Variants in BFAR observed in about 807,000 individuals in gnomAD.
BFAR encodes the protein bifunctional apoptosis regulator.
In BFAR, 52 loss-of-function variants were observed where a neutral mutation model predicts 54.4. That is an observed-to-expected ratio of 0.96 (90% CI 0.77 to 1.21). The LOEUF is 1.21. Ranked by LOEUF, BFAR falls within the 50% of genes most tolerant of loss-of-function variation. The pLI is 0.00. For missense variants in BFAR, 571 were observed against 534.0 expected, an observed-to-expected ratio of 1.07 and a Z score of -0.68; for synonymous variants, 215 against 204.3, an observed-to-expected ratio of 1.05 and a Z score of -0.45.
At chr16:14,661,014 G>A (rs1331709672) in intron 5 of BFAR, among the ~76,000 whole-genome samples, 1 of 151,668 alleles carries the variant, frequency 6.6e-6, no homozygotes, top group Non-Finnish European at 1.5e-5. Flanking sequence ...ACAGGCGTGA[G>A]CCACCACGCT....
At chr16:14,651,563 A>T (rs966547920) in intron 4 of BFAR, among the ~76,000 whole-genome samples, 1 of 151,980 alleles carries the variant, frequency 6.6e-6, no homozygotes, top group Admixed American at 6.6e-5. Flanking sequence ...CTCAACTGCA[A>T]TCTCTGTGTT....
intron 4 of BFAR, among the ~76,000 whole-genome samples, chr16:14,654,406 C>T (rs185015875): frequency 1.3e-5 from 2 of 150,626 alleles, no homozygotes; most frequent in African/African-American, 4.9e-5. Context: ...GAGGTCAGAG[C>T]GTATAACTGA....
At chr16:14,662,634 C>T (rs1376414905) in intron 6 of BFAR, among the ~76,000 whole-genome samples, 1 of 152,150 alleles carries the variant, frequency 6.6e-6, no homozygotes, top group Non-Finnish European at 1.5e-5. Flanking sequence ...ATCTTCACAC[C>T]TCAGCCTCCC....
intron 2 of BFAR, 103 bp downstream of exon 2, chr16:14,644,712 GC>G: frequency 7.3e-7 from 1 of 1,372,200 alleles, no homozygotes; most frequent in Non-Finnish European, 9.8e-7. Context: ...TCGCTATGTT[GC>G]CCAGGCTGGT....
rs1042729594 is a variant in BFAR at position 14,658,799 on chromosome 16, C to T, written c.784-3093C>T. On this transcript the variant is annotated intron_variant, in intron 5 of 7. Transcript: ENST00000261658. The stretch of plus-strand genomic sequence containing the variant: ...TCACTATCTGCCTAAGTAACTTCTT[C>T]TTCACTCCTGTATCACTACCATGTC... 3.9e-5 allele frequency among the ~76,000 whole-genome samples: 6 copies of T among 152,114 alleles called. No homozygotes were observed. The East Asian group carries it at 9.7e-4, about 24-fold the overall frequency.
At chr16:14,641,687 C>T (rs1255443485) in intron 1 of BFAR, among the ~76,000 whole-genome samples, 1 of 152,066 alleles carries the variant, frequency 6.6e-6, no homozygotes, top group East Asian at 1.9e-4. Context: ...CATGGTGAAA[C>T]CCCCATCTCG....
In BFAR at chr16:14,664,947, G is replaced by C; in HGVS notation, c.1036G>C (p.Glu346Gln). 6.2e-7 allele frequency: 1 copy of C among 1,614,034 alleles called. No homozygotes were observed. The highest frequency in any genetic ancestry group is 8.5e-7 in the Non-Finnish European group (1 of 1,179,908). ...YSFLPYQLIA[E>Q]FAWDWLEVHY... ...CTTCCTTCCATACCAGCTGATTGCT[G>C]AGTTTGCTTGGGACTGGTTGGAGGT... Residue 346 changes from glutamate (E) to glutamine (Q), a missense_variant, in exon 7 of 8, where the codon GAG becomes CAG. Glu to Gln is a conservative substitution (Grantham distance 29). Coordinates refer to ENST00000261658, the MANE Select transcript of BFAR (RefSeq NM_016561.3).
intron 5 of BFAR, among the ~76,000 whole-genome samples, chr16:14,658,608 C>T (rs1443025773): frequency 6.6e-6 from 1 of 151,950 alleles, no homozygotes; most frequent in Non-Finnish European, 1.5e-5. Flanking sequence ...TGGTGGGCGC[C>T]TGTAGTCCCA....
Position 14,667,701 on chromosome 16 carries a change from G to A in BFAR, c.1227G>A (p.Met409Ile). Residue 409 changes from methionine to isoleucine, a missense_variant, in exon 8 of 8, where the codon ATG becomes ATA. Transcript: ENST00000261658. ...CAACGCAGGGGCTTTTTGTGGCCAT[G>A]TTCTGGCCCCTCATCCCTCAGTTTG... ...KVSTQGLFVA[M>I]FWPLIPQFVC... The A allele has an allele frequency of 6.2e-7, 1 of 1,614,102 alleles. No individual in the cohort carries two copies. Among genetic ancestry groups the A allele is most frequent in the African/African-American group, 1.3e-5 (1 of 75,040 alleles).
intron 1 of BFAR, among the ~76,000 whole-genome samples, chr16:14,636,709 G>A (rs949976443): frequency 1.3e-5 from 2 of 152,170 alleles, no homozygotes; most frequent in South Asian, 2.1e-4. Flanking sequence ...GCTGGGGGAC[G>A]GTCAGGTCTT....
chr16:14,638,344 C>G (rs893511573), intron 1 of BFAR, among the ~76,000 whole-genome samples: 1 of 152,246 alleles, frequency 6.6e-6, no homozygotes, highest in African/African-American at 2.4e-5. Flanking sequence ...GATTGCACCA[C>G]TGCCCTCCAG....
chr16:14,658,073 C>G (rs1960178569), intron 5 of BFAR, among the ~76,000 whole-genome samples: 1 of 152,066 alleles, frequency 6.6e-6, no homozygotes, highest in Non-Finnish European at 1.5e-5. Flanking sequence ...ATTTAGGACA[C>G]AGACACACAA....
At position 14,644,159 on chromosome 16, in the gene BFAR, T is replaced by G. The variant is rs542727931; in HGVS notation, c.-73-115T>G. 240 of 625,336 alleles carry G rather than the reference T, an allele frequency of 3.8e-4. 1 individual carries two copies. In the African/African-American group the frequency reaches 4.4e-3, roughly 11 times the overall value. 38.7% of individuals were successfully genotyped at this position (625,336 alleles called of 1,614,324 possible). On this transcript the variant is annotated intron_variant, in intron 1 of 7. Transcript: ENST00000261658. ...TCCTGGGCCAGAGAGCAAGACTGTG[T>G]CTCAAAAAAAAAAAAAAAAAATTAG... is the stretch of plus-strand genomic sequence containing the variant.
intron 1 of BFAR, among the ~76,000 whole-genome samples, chr16:14,642,824 A>T (rs752759097): frequency 5.3e-5 from 8 of 152,186 alleles, no homozygotes; most frequent in Non-Finnish European, 1.2e-4. Flanking sequence ...AACCCCAGAC[A>T]TTTTACTAGG....
chr16:14,637,323 A>G (rs757718111), intron 1 of BFAR, among the ~76,000 whole-genome samples: 8 of 152,108 alleles, frequency 5.3e-5, no homozygotes, highest in Non-Finnish European at 1.0e-4. Context: ...TATCAGGATA[A>G]TGGCGTATTA....
At chr16:14,660,382 G>A (rs1458915844) in intron 5 of BFAR, among the ~76,000 whole-genome samples, 6 of 151,918 alleles carry the variant, frequency 3.9e-5, no homozygotes, top group Admixed American at 3.9e-4. Context: ...TGCCTCCCGG[G>A]TTCAAGTGAT....
At chr16:14,635,690 G>GA (rs919942466) in intron 1 of BFAR, among the ~76,000 whole-genome samples, 3 of 150,868 alleles carry the variant, frequency 2.0e-5, no homozygotes, top group Non-Finnish European at 3.0e-5. Flanking sequence ...ACCCTGTCCA[G>GA]AAAAAAAATC....
At chr16:14,652,412 C>G (rs543329181) in intron 4 of BFAR, among the ~76,000 whole-genome samples, 2 of 151,732 alleles carry the variant, frequency 1.3e-5, no homozygotes, top group South Asian at 4.2e-4. Context: ...TCCCGAGTAG[C>G]TAGGATTATA....
rs547436009 is a variant in BFAR at position 14,644,309 on chromosome 16, A to T, written c.-38A>T. On this transcript the variant is annotated 5_prime_UTR_variant, in exon 2 of 8. Transcript: ENST00000261658. Reference sequence around the variant, plus strand: ...TTTTGCAGCAGTTTTCTACGTCTGAAATTTTTTATGTCTCTGGAACCCAGA... The same window carrying T: ...TTTTGCAGCAGTTTTCTACGTCTGATATTTTTTATGTCTCTGGAACCCAGA... The T allele has an allele frequency of 6.3e-7, 1 of 1,582,010 alleles. No individual in the cohort carries two copies. Among genetic ancestry groups the T allele is most frequent in the African/African-American group, 1.4e-5 (1 of 73,542 alleles).
Sources: gnomAD v4.1 joint callset for allele counts (sites outside exome capture counted in the v4.1 genomes callset) on GRCh38, gnomAD v4.1.1 for gene constraint, MANE v1.5 for transcripts, NCBI Gene and HGNC (gene_info 2026-07-23, HGNC 2026-07-21) for gene names.